ADAM10: variants seen among roughly 807,000 people sequenced by gnomAD.
ADAM10 encodes disintegrin and metalloproteinase domain-containing protein 10.
A neutral mutation model predicts 90.1 loss-of-function variants in ADAM10; 17 were observed. The ratio of observed to expected loss-of-function variants is 0.19; its 90% confidence interval spans 0.13 to 0.28. The LOEUF (loss-of-function observed/expected upper bound fraction) is 0.28. Ranked by LOEUF, ADAM10 falls within the 10% of genes least tolerant of loss-of-function variation. The pLI, the probability that ADAM10 is intolerant of heterozygous loss-of-function variation, is 1.00. For synonymous variants in ADAM10, 310 were observed against 298.6 expected, an observed-to-expected ratio of 1.04 and a Z score of -0.40; for missense variants, 610 against 914.3, an observed-to-expected ratio of 0.67 and a Z score of 4.29.
intron 5 of ADAM10, among the ~76,000 whole-genome samples, chr15:58,656,504 AC>A (rs1206180914): frequency 1.3e-5 from 2 of 151,956 alleles, no homozygotes; most frequent in African/African-American, 4.8e-5. Flanking sequence ...ATTTGAAGTT[AC>A]CATGAGGCTT....
intron 14 of ADAM10, among the ~76,000 whole-genome samples, chr15:58,603,656 T>C (rs1419501909): frequency 1.3e-5 from 2 of 152,076 alleles, no homozygotes; most frequent in Non-Finnish European, 2.9e-5. Context: ...TACTCCTTCA[T>C]GTCAAACCCT....
In ADAM10 at chr15:58,592,685, T is replaced by C. The variant is rs1894847529; in HGVS notation, c.*4862A>G. ...TCAACTGAATTAAGCATGAGTCTTC[T>C]ATTATTGTTTCTAATACATTCATGT... On this transcript the variant is annotated 3_prime_UTR_variant, in exon 16 of 16. Coordinates refer to ENST00000260408, the MANE Select transcript of ADAM10 (RefSeq NM_001110.4). The C allele has an allele frequency of 1.3e-5, 2 of 151,984 alleles. No individual in the cohort carries two copies. The highest frequency in any genetic ancestry group is 4.1e-4 in the South Asian group (2 of 4,830). The allele number at this position is 151,984 out of a possible 1,614,324, so 9.4% of individuals were successfully genotyped here.
In ADAM10 at chr15:58,717,612, G is replaced by T; in HGVS notation, c.171C>A (p.Asp57Glu). Reference sequence around the variant, plus strand: ...CATGGAAATCTAGACGTAAAAATTGGTCTTCATGTGAGACTGCTCTTTTGG... The same window carrying T: ...CATGGAAATCTAGACGTAAAAATTGTTCTTCATGTGAGACTGCTCTTTTGG... ...QRAKRAVSHEDQFLRLDFHAH... is the reference protein window; with the variant it reads ...QRAKRAVSHEEQFLRLDFHAH... The change falls in exon 2 of 16, where the codon GAC (aspartate) becomes GAA (glutamate). Residue 57 changes from aspartate (D) to glutamate (E), a missense_variant. Coordinates refer to ENST00000260408, the MANE Select transcript of ADAM10 (RefSeq NM_001110.4). The T allele has an allele frequency of 6.2e-7, 1 of 1,613,778 alleles. No homozygotes were observed. Among genetic ancestry groups the T allele is most frequent in the Non-Finnish European group, 8.5e-7 (1 of 1,179,910 alleles).
chr15:58,655,661 CATACAT>C (rs1896789507), intron 5 of ADAM10, among the ~76,000 whole-genome samples: 1 of 51,254 alleles, frequency 2.0e-5, no homozygotes, highest in African/African-American at 2.8e-4. Context: ...TGCATACATA[CATACAT>C]ACATACATAC....
At chr15:58,615,672 C>G (rs1469343) in intron 11 of ADAM10, among the ~76,000 whole-genome samples, 72,045 of 151,960 alleles carry the variant, frequency 0.47, 19,823 homozygotes, top group East Asian at 0.94. Flanking sequence ...GTAAGCAAGA[C>G]TAGCTATACC....
intron 4 of ADAM10, among the ~76,000 whole-genome samples, chr15:58,670,584 T>C (rs1285786102): frequency 6.6e-6 from 1 of 152,124 alleles, no homozygotes; most frequent in Non-Finnish European, 1.5e-5. Context: ...TAGAGCTATG[T>C]TTATTGACAC....
At chr15:58,655,401 G>C (rs1210257522) in intron 5 of ADAM10, 2 of 153,766 alleles carry the variant, frequency 1.3e-5, no homozygotes, top group Non-Finnish European at 2.9e-5. Context: ...CTGGAAGCAG[G>C]AGCAAGCAAG....
At chr15:58,713,532 T>C (rs574773407) in intron 2 of ADAM10, among the ~76,000 whole-genome samples, 3 of 152,286 alleles carry the variant, frequency 2.0e-5, no homozygotes, top group South Asian at 2.1e-4. Flanking sequence ...TATAATAAAA[T>C]AAATGCCATA....
rs531348849 is a variant in ADAM10, at chr15:58,612,675, G to C, written c.1512-684C>G. Among the ~76,000 whole-genome samples the C allele has an allele frequency of 1.1e-4, 17 of 152,182 alleles. No homozygotes were observed. The East Asian group carries it at 2.1e-3, about 19-fold the overall frequency. On this transcript the variant is annotated intron_variant, in intron 11 of 15. Transcript: ENST00000260408. ...CCCAACTCGTCACTGAGTCCTATTG[G>C]CTCAGGCTCCGAAATTACTGCCATG...
chr15:58,612,841 G>C (rs1393893810), intron 11 of ADAM10, among the ~76,000 whole-genome samples: 1 of 152,198 alleles, frequency 6.6e-6, no homozygotes, highest in African/African-American at 2.4e-5. Flanking sequence ...CAGAGTCACA[G>C]ATCCTGGTGC....
chr15:58,660,978 C>G (rs1032294203), intron 5 of ADAM10, among the ~76,000 whole-genome samples: 1 of 152,224 alleles, frequency 6.6e-6, no homozygotes, highest in Non-Finnish European at 1.5e-5. Flanking sequence ...GCCCACAGGC[C>G]GTAGTTTGCT....
intron 6 of ADAM10, among the ~76,000 whole-genome samples, chr15:58,645,026 T>C (rs544777158): frequency 9.8e-5 from 15 of 152,316 alleles, no homozygotes; most frequent in African/African-American, 3.4e-4. Flanking sequence ...CTTCCCAACT[T>C]CATTTACAAA....
chr15:58,744,974 G>A (rs1425771523), intron 1 of ADAM10, among the ~76,000 whole-genome samples: 3 of 152,262 alleles, frequency 2.0e-5, no homozygotes, highest in African/African-American at 7.2e-5. Context: ...CCTGAAGTCA[G>A]GAGTTCGAGA....
intron 8 of ADAM10, among the ~76,000 whole-genome samples, chr15:58,637,543 A>G (rs1210244570): frequency 2.0e-5 from 3 of 152,228 alleles, no homozygotes; most frequent in Non-Finnish European, 4.4e-5. Flanking sequence ...CCAAAATTAT[A>G]TCAAAATATT....
intron 2 of ADAM10, among the ~76,000 whole-genome samples, chr15:58,695,903 G>A (rs910766570): frequency 2.0e-5 from 3 of 152,086 alleles, no homozygotes; most frequent in African/African-American, 7.2e-5. Flanking sequence ...GATCACCGGA[G>A]GTCAGGAGTT....
rs375920234 is a variant in ADAM10, at chr15:58,696,329, AC to A, written c.207-14016del. Among the ~76,000 whole-genome samples, 680 of 152,012 alleles carry A rather than the reference AC, an allele frequency of 4.5e-3. 10 individuals carry two copies. Among genetic ancestry groups the A allele is most frequent in the African/African-American group, 0.016 (663 of 41,468 alleles). ...AAAAACATTGTATGCTATACACCCT[AC>A]CCAAAGAAATATTTATGTATCTATT... On this transcript the variant is annotated intron_variant, in intron 2 of 15. Transcript: ENST00000260408.
rs576719000 is a variant in ADAM10 at position 58,621,227 on chromosome 15, C to T, written c.1511+244G>A. ...GCAGTGAGCCGAGATCATGCCACTGCACTCCAGCCTGGGCAACAGAGCGAG... is the reference window on the plus strand; with the variant it reads ...GCAGTGAGCCGAGATCATGCCACTGTACTCCAGCCTGGGCAACAGAGCGAG... On this transcript the variant is annotated intron_variant, in intron 11 of 15. Transcript: ENST00000260408. 1.7e-4 allele frequency among the ~76,000 whole-genome samples: 23 copies of T among 131,908 alleles called. No homozygotes were observed. The East Asian group carries it at 5.9e-3, about 34-fold the overall frequency. 86.5% of individuals were successfully genotyped at this position (131,908 alleles called of 152,430 possible).
At chr15:58,625,495 G>A (rs1424112363) in intron 10 of ADAM10, among the ~76,000 whole-genome samples, 1 of 152,148 alleles carries the variant, frequency 6.6e-6, no homozygotes, top group East Asian at 1.9e-4. Context: ...ATAAAAAACT[G>A]TGAAAACTCC....
chr15:58,743,060 A>G (rs1479213358), intron 1 of ADAM10, among the ~76,000 whole-genome samples: 1 of 152,170 alleles, frequency 6.6e-6, no homozygotes, highest in Non-Finnish European at 1.5e-5. Context: ...CTTGTCTCAA[A>G]AACAAACAAA....
Sources: gnomAD v4.1 joint callset for allele counts (sites outside exome capture counted in the v4.1 genomes callset) on GRCh38, gnomAD v4.1.1 for gene constraint, MANE v1.5 for transcripts, NCBI Gene and HGNC (gene_info 2026-07-23, HGNC 2026-07-21) for gene names.